The following RARB variants were observed in gnomAD, a reference collection of about 807,000 sequenced individuals.
RARB encodes the protein retinoic acid receptor beta, also known as HBV-activated protein.
Under a neutral mutation model 51.9 loss-of-function variants are expected in RARB, and 17 were observed. The ratio of observed to expected loss-of-function variants is 0.33; its 90% CI spans 0.22 to 0.49. RARB has a LOEUF of 0.49. Ranked by LOEUF, RARB falls within the 20% of genes least tolerant of loss-of-function variation. RARB has a pLI of 0.99. For missense variants in RARB, 369 were observed against 550.8 expected, an observed-to-expected ratio of 0.67 and a Z score of 3.30; for synonymous variants, 215 against 195.4, an observed-to-expected ratio of 1.10 and a Z score of -0.84.
At chr3:25,349,854 A>AT (rs1705506230) in intron 5 of RARB, among the ~76,000 whole-genome samples, 1 of 152,172 alleles carries the variant, frequency 6.6e-6, no homozygotes, top group South Asian at 2.1e-4. Flanking sequence ...CATTCTTGGT[A>AT]GGACTCTGCT....
At chr3:25,390,462 C>G (rs1238556314) in intron 5 of RARB, among the ~76,000 whole-genome samples, 1 of 152,204 alleles carries the variant, frequency 6.6e-6, no homozygotes. Context: ...CATAAATTAC[C>G]CAGTCTAACG....
intron 3 of RARB, among the ~76,000 whole-genome samples, chr3:25,073,661 T>G (rs1698814994): frequency 6.6e-6 from 1 of 152,320 alleles, no homozygotes; most frequent in East Asian, 1.9e-4. Flanking sequence ...GGTAATTTAC[T>G]TTGCAGTAAA....
At chr3:25,259,078 A>C in intron 5 of RARB, 1 of 985,274 alleles carries the variant, frequency 1.0e-6, no homozygotes, top group East Asian at 1.1e-4. Flanking sequence ...TATGAGAAAC[A>C]GTACAGCAAC....
intron 4 of RARB, among the ~76,000 whole-genome samples, chr3:25,139,633 A>C (rs1466461056): frequency 1.3e-5 from 2 of 152,200 alleles, no homozygotes; most frequent in Non-Finnish European, 2.9e-5. Flanking sequence ...GCAAGTGCTG[A>C]TGGAAAAAGG....
intron 2 of RARB, among the ~76,000 whole-genome samples, chr3:25,032,374 CTT>C (rs1697893878): frequency 6.6e-6 from 1 of 152,090 alleles, no homozygotes; most frequent in African/African-American, 2.4e-5. Context: ...AGCAGCAGCA[CTT>C]TTTTCTCCAA....
chr3:25,565,297 A>C (rs1700447544), intron 3 of RARB, among the ~76,000 whole-genome samples: 1 of 151,948 alleles, frequency 6.6e-6, no homozygotes, highest in African/African-American at 2.4e-5. Context: ...AGTGATATCT[A>C]CTCTATTAGG....
intron 2 of RARB, among the ~76,000 whole-genome samples, chr3:24,978,869 G>A (rs548491806): frequency 3.3e-5 from 5 of 152,148 alleles, no homozygotes; most frequent in African/African-American, 1.2e-4. Context: ...GATCTTTTCT[G>A]TTTTCTCTTG....
intron 2 of RARB, among the ~76,000 whole-genome samples, chr3:25,467,402 G>A (rs1248560314): frequency 6.6e-6 from 1 of 152,218 alleles, no homozygotes; most frequent in African/African-American, 2.4e-5. Context: ...GCCTTGGCAG[G>A]ATGACCAGAT....
intron 3 of RARB, among the ~76,000 whole-genome samples, chr3:25,121,552 G>A (rs1180071954): frequency 6.6e-6 from 1 of 152,120 alleles, no homozygotes; most frequent in Non-Finnish European, 1.5e-5. Context: ...AGTGGACAGT[G>A]AGTTTTGGCT....
In RARB at chr3:25,293,882, G is replaced by A. The variant is rs1017309231; in HGVS notation, c.178+119307G>A. 5.3e-5 allele frequency among the ~76,000 whole-genome samples: 8 copies of A among 152,248 alleles called. No individual in the cohort carries two copies. The East Asian group carries it at 1.5e-3, about 29-fold the overall frequency. ...TTTTGAAATTCAAGCCAAGAATGCT[G>A]GAGCTCAATTTCACATGTGTCGTAA... On this transcript the variant is annotated intron_variant, in intron 5 of 11. Coordinates refer to the RARB transcript ENST00000383772.
intron 2 of RARB, among the ~76,000 whole-genome samples, chr3:24,941,169 G>A (rs1695658254): frequency 6.6e-6 from 1 of 152,080 alleles, no homozygotes; most frequent in Admixed American, 6.6e-5. Context: ...AGGAATAGAA[G>A]GATGGAGGGT....
chr3:25,306,755 C>T (rs969738451), intron 5 of RARB, among the ~76,000 whole-genome samples: 1 of 152,200 alleles, frequency 6.6e-6, no homozygotes, highest in Admixed American at 6.5e-5. Flanking sequence ...GAAAGAATGT[C>T]TGCCGTTTCC....
At chr3:25,089,751 C>T (rs1341833111) in intron 3 of RARB, among the ~76,000 whole-genome samples, 1 of 152,098 alleles carries the variant, frequency 6.6e-6, no homozygotes, top group Non-Finnish European at 1.5e-5. Context: ...AATTCATTTC[C>T]TCTTATTTAA....
chr3:25,535,802 G>A (rs1699115872), intron 3 of RARB, among the ~76,000 whole-genome samples: 1 of 152,110 alleles, frequency 6.6e-6, no homozygotes, highest in South Asian at 2.1e-4. Flanking sequence ...TTAAGTTGCT[G>A]GGCAAATGGA....
chr3:24,928,577 G>A (rs1189318451), intron 2 of RARB, among the ~76,000 whole-genome samples: 1 of 151,922 alleles, frequency 6.6e-6, no homozygotes, highest in East Asian at 1.9e-4. Flanking sequence ...CTCAACTTCT[G>A]AAAGTTCTTT....
At chr3:25,570,199 G>C (rs185294545) in intron 4 of RARB, among the ~76,000 whole-genome samples, 1 of 152,216 alleles carries the variant, frequency 6.6e-6, no homozygotes, top group African/African-American at 2.4e-5. Context: ...TTTGCTATAC[G>C]ACAGGCTGTG....
At position 25,152,918 on chromosome 3, in the gene RARB, A is replaced by G. The variant is rs144250126; in HGVS notation, c.-280+20710A>G. Among the ~76,000 whole-genome samples the G allele has an allele frequency of 2.0e-4, 31 of 152,348 alleles. No homozygotes were observed. The East Asian group carries it at 5.8e-3, about 28-fold the overall frequency. Reference sequence around the variant, plus strand: ...AAGAAAATCTAAAACTTCGGAAAATAGGTGGACTGCAGTGTTTGATACAAA... The same window carrying G: ...AAGAAAATCTAAAACTTCGGAAAATGGGTGGACTGCAGTGTTTGATACAAA... On this transcript the variant is annotated intron_variant, in intron 4 of 11. Transcript: ENST00000383772.
intron 3 of RARB, among the ~76,000 whole-genome samples, chr3:25,508,562 A>G (rs887416148): frequency 6.6e-6 from 1 of 152,190 alleles, no homozygotes; most frequent in African/African-American, 2.4e-5. Context: ...TGTAGTTGGG[A>G]AATTACATAA....
intron 2 of RARB, among the ~76,000 whole-genome samples, chr3:24,970,830 C>G (rs1308860203): frequency 6.6e-6 from 1 of 152,000 alleles, no homozygotes; most frequent in East Asian, 1.9e-4. Context: ...ACTCTAAATT[C>G]CAAGTCATGA....
Sources: allele counts gnomAD v4.1 joint callset (sites outside exome capture counted in the v4.1 genomes callset), GRCh38; gene constraint gnomAD v4.1.1; transcripts MANE v1.5; gene names NCBI Gene and HGNC (gene_info 2026-07-23, HGNC 2026-07-21).